Variants in FOXP2 observed in about 807,000 individuals in gnomAD.
The protein encoded by FOXP2 is forkhead box protein P2.
FOXP2 carries 12 observed loss-of-function variants against 115.8 expected under a neutral mutation model. The ratio of observed to expected loss-of-function variants is 0.10; its 90% CI spans 0.07 to 0.17. The LOEUF is 0.17. FOXP2 is among the 10% of genes least tolerant of loss of function. The probability of loss-of-function intolerance (pLI) is 1.00; values close to 1 mark genes in which losing one functional copy is unlikely to be tolerated. For synonymous variants in FOXP2, 328 were observed against 297.7 expected, an observed-to-expected ratio of 1.10 and a Z score of -1.05; for missense variants, 629 against 843.5, an observed-to-expected ratio of 0.75 and a Z score of 3.15.
rs557109453 is a variant in FOXP2, at chr7:114,107,317, C to A, written c.-247+19479C>A. On this transcript the variant is annotated intron_variant, in intron 1 of 19. Transcript: ENST00000635638. ...TCTCCTTTCTGTCTAATGGTCGAGA[C>A]CATTTTATCCTATGAAGTGAACTTT... 3.2e-4 allele frequency among the ~76,000 whole-genome samples: 49 copies of A among 151,986 alleles called. 1 individual carries two copies. Among genetic ancestry groups the A allele is most frequent in the Middle Eastern group, 3.4e-3 (1 of 294 alleles).
chr7:114,256,088 A>T, intron 1 of FOXP2, among the ~76,000 whole-genome samples: 1 of 152,096 alleles, frequency 6.6e-6, no homozygotes, highest in South Asian at 2.1e-4. Flanking sequence ...TGCCATTCTG[A>T]TTGGCATGAG....
chr7:114,693,575 G>A lies in FOXP2; in HGVS notation c.*3649G>A, dbSNP rs182949870. ...TTATTTCACTAGTTCAGGTTGCAAC[G>A]AAAGGTTTTTTTGTCCATGAACACT... On this transcript the variant is annotated 3_prime_UTR_variant, in exon 17 of 17. Transcript: ENST00000350908. 87 of 453,104 alleles carry A rather than the reference G, an allele frequency of 1.9e-4. No individual in the cohort carries two copies. The highest frequency in any genetic ancestry group is 1.5e-3 in the African/African-American group (76 of 50,044). The allele number at this position is 453,104 out of a possible 1,614,324, so 28.1% of individuals were successfully genotyped here. A position where few individuals can be genotyped will look rare whatever the true frequency, so the allele number is the denominator to read the frequency against.
chr7:114,553,492 A>G (rs1450013897), intron 3 of FOXP2, among the ~76,000 whole-genome samples: 1 of 152,188 alleles, frequency 6.6e-6, no homozygotes, highest in Non-Finnish European at 1.5e-5. Flanking sequence ...CAGTTCATTA[A>G]TGTACATGCT....
chr7:114,282,219 A>G (rs528843218), intron 1 of FOXP2, among the ~76,000 whole-genome samples: 3 of 152,308 alleles, frequency 2.0e-5, no homozygotes, highest in Non-Finnish European at 4.4e-5. Flanking sequence ...GCTTTGCATC[A>G]TATGCAGTCT....
At chr7:114,583,458 T>G (rs1055965342) in intron 3 of FOXP2, among the ~76,000 whole-genome samples, 1 of 152,142 alleles carries the variant, frequency 6.6e-6, no homozygotes, top group South Asian at 2.1e-4. Context: ...CTCACGACTT[T>G]GTTTCTAACC....
At chr7:114,142,847 A>G (rs1020284791) in intron 1 of FOXP2, among the ~76,000 whole-genome samples, 2 of 151,992 alleles carry the variant, frequency 1.3e-5, no homozygotes, top group African/African-American at 4.8e-5. Flanking sequence ...TTGAAAAAAA[A>G]AATTTAACGC....
chr7:114,585,913 A>G (rs1273117925), intron 3 of FOXP2, among the ~76,000 whole-genome samples: 4 of 152,150 alleles, frequency 2.6e-5, no homozygotes, highest in African/African-American at 9.7e-5. Flanking sequence ...GTTTAATGTA[A>G]TTATTAAAAG....
At chr7:114,477,959 C>T (rs1796360016) in intron 2 of FOXP2, among the ~76,000 whole-genome samples, 1 of 151,764 alleles carries the variant, frequency 6.6e-6, no homozygotes, top group African/African-American at 2.4e-5. Flanking sequence ...CAAAGTTCTA[C>T]AAAAACTTCT....
intron 1 of FOXP2, among the ~76,000 whole-genome samples, chr7:114,088,475 T>G (rs1351546634): frequency 6.6e-6 from 1 of 152,186 alleles, no homozygotes; most frequent in African/African-American, 2.4e-5. Flanking sequence ...GCAGCTGAAG[T>G]GGACGTTTTC....
In FOXP2 at chr7:114,148,169, C is replaced by T. The variant is rs79245073; in HGVS notation, c.-246-14775C>T. On this transcript the variant is annotated intron_variant, in intron 1 of 19. Coordinates refer to the FOXP2 transcript ENST00000635638. ...ATCTTTTAAGTAATTGTGTGAATTG[C>T]GGGGATTGGGGGAAGAATCTCATCA... is the stretch of plus-strand genomic sequence containing the variant. Among the ~76,000 whole-genome samples the T allele has an allele frequency of 9.4e-4, 143 of 151,888 alleles. No homozygotes were observed. In the East Asian group the frequency reaches 0.024, roughly 25 times the overall value.
At position 114,649,325 on chromosome 7, in the gene FOXP2, A is replaced by G. The variant is rs557606604; in HGVS notation, c.1095-2878A>G. Among the ~76,000 whole-genome samples the G allele has an allele frequency of 3.3e-5, 5 of 152,242 alleles. No homozygotes were observed. The South Asian group carries it at 6.2e-4, about 19-fold the overall frequency. On this transcript the variant is annotated intron_variant, in intron 8 of 16. Coordinates refer to ENST00000350908, the MANE Select transcript of FOXP2 (RefSeq NM_014491.4). ...CATAAGATAGTATTATGGAGCATTC[A>G]TATGAAAAGGGTATTTGCAACATTA...
At chr7:114,436,300 G>A (rs1794345904) in intron 2 of FOXP2, among the ~76,000 whole-genome samples, 1 of 151,372 alleles carries the variant, frequency 6.6e-6, no homozygotes, top group Non-Finnish European at 1.5e-5. Context: ...TGAAGCATCT[G>A]TCACAGTTAC....
chr7:114,629,248 G>A (rs546614403), intron 4 of FOXP2, among the ~76,000 whole-genome samples: 28 of 151,990 alleles, frequency 1.8e-4, no homozygotes, highest in Non-Finnish European at 3.1e-4. Flanking sequence ...ATACCATATC[G>A]GAACCCTGAG....
At chr7:114,504,446 T>C (rs1797719159) in intron 2 of FOXP2, among the ~76,000 whole-genome samples, 1 of 151,710 alleles carries the variant, frequency 6.6e-6, no homozygotes, top group Non-Finnish European at 1.5e-5. Flanking sequence ...ATAATTTTAC[T>C]GATATACCAC....
intron 1 of FOXP2, among the ~76,000 whole-genome samples, chr7:114,111,133 C>CTCATGAAGTCCCAGTATCCAGGTT (rs1791258185): frequency 6.6e-6 from 1 of 152,108 alleles, no homozygotes; most frequent in Admixed American, 6.6e-5. Context: ...ATCAATCACA[C>CTCATGAAGTCCCAGTATCCAGGTT]CTCCCAGTAT....
chr7:114,384,013 A>G lies in FOXP2; in HGVS notation c.-10-42489A>G, dbSNP rs561633452. Among the ~76,000 whole-genome samples, 3 of 152,060 alleles carry G rather than the reference A, an allele frequency of 2.0e-5. No individual in the cohort carries two copies. The South Asian group carries it at 6.2e-4, about 32-fold the overall frequency. ...AAAGGGGTCCGGGCTGCTGGATTCT[A>G]GTGGTCCTTTACCAGTGTGCCCAAC... is the stretch of plus-strand genomic sequence containing the variant. On this transcript the variant is annotated intron_variant, in intron 2 of 17. Transcript: ENST00000634411.
chr7:114,530,092 C>T (rs1799068386), intron 2 of FOXP2, among the ~76,000 whole-genome samples: 1 of 151,734 alleles, frequency 6.6e-6, no homozygotes, highest in Non-Finnish European at 1.5e-5. Context: ...TGGTTATCTG[C>T]AAAGTATACA....
At chr7:114,598,529 G>A (rs1563024755) in intron 3 of FOXP2, among the ~76,000 whole-genome samples, 1 of 151,658 alleles carries the variant, frequency 6.6e-6, no homozygotes, top group African/African-American at 2.4e-5. Context: ...TTTTTTCTAT[G>A]TTATTTAGAT....
chr7:114,220,136 T>A (rs1242708728), intron 1 of FOXP2, among the ~76,000 whole-genome samples: 3 of 151,758 alleles, frequency 2.0e-5, no homozygotes, highest in African/African-American at 7.3e-5. Context: ...CCCAAAGTGC[T>A]GGGATTAGAG....
Sources: gnomAD v4.1 joint callset for allele counts (sites outside exome capture counted in the v4.1 genomes callset) on GRCh38, gnomAD v4.1.1 for gene constraint, MANE v1.5 for transcripts, NCBI Gene and HGNC (gene_info 2026-07-23, HGNC 2026-07-21) for gene names.